The following WWP2 variants were observed in gnomAD, a reference collection of about 807,000 sequenced individuals.
WWP2 encodes the protein NEDD4-like E3 ubiquitin-protein ligase WWP2.
Under a neutral mutation model 121.0 loss-of-function variants are expected in WWP2, and 57 were observed. The ratio of observed to expected loss-of-function variants is 0.47; its 90% confidence interval spans 0.38 to 0.59. WWP2 has a LOEUF of 0.59. Ranked by LOEUF, WWP2 falls within the 20% of genes least tolerant of loss-of-function variation. The probability of loss-of-function intolerance (pLI) is 0.00; values close to 1 mark genes in which losing one functional copy is unlikely to be tolerated. For missense variants in WWP2, 962 were observed against 1,158.9 expected, an observed-to-expected ratio of 0.83 and a Z score of 2.47; for synonymous variants, 449 against 441.3, an observed-to-expected ratio of 1.02 and a Z score of -0.22.
intron 11 of WWP2, among the ~76,000 whole-genome samples, chr16:69,926,618 T>TC (rs1036475077): frequency 6.6e-6 from 1 of 152,148 alleles, no homozygotes; most frequent in African/African-American, 2.4e-5. Context: ...AGCACTGCAG[T>TC]CCAGTGTGCC....
At chr16:69,882,603 G>A (rs2057851135) in intron 7 of WWP2, among the ~76,000 whole-genome samples, 1 of 152,188 alleles carries the variant, frequency 6.6e-6, no homozygotes, top group Admixed American at 6.5e-5. Flanking sequence ...GAGACCATGG[G>A]TGCTGTGGGC....
At chr16:69,856,038 G>C (rs973629870) in intron 6 of WWP2, among the ~76,000 whole-genome samples, 1 of 152,172 alleles carries the variant, frequency 6.6e-6, no homozygotes, top group Non-Finnish European at 1.5e-5. Flanking sequence ...TGGGGAGGCT[G>C]AGCTGGGAGG....
intron 1 of WWP2, among the ~76,000 whole-genome samples, chr16:69,777,491 G>A (rs891205559): frequency 3.3e-5 from 5 of 151,488 alleles, no homozygotes; most frequent in African/African-American, 1.2e-4. Flanking sequence ...AGTAGAGATG[G>A]GGTTTCACCC....
intron 6 of WWP2, among the ~76,000 whole-genome samples, chr16:69,856,097 C>T (rs2057306287): frequency 6.6e-6 from 1 of 152,096 alleles, no homozygotes; most frequent in South Asian, 2.1e-4. Context: ...CATAACAAGA[C>T]TCCCATCTCT....
chr16:69,813,086 G>C (rs1306473620), intron 4 of WWP2, among the ~76,000 whole-genome samples: 1 of 151,730 alleles, frequency 6.6e-6, no homozygotes, highest in Non-Finnish European at 1.5e-5. Flanking sequence ...GTATGCGTGT[G>C]TGTAGGTATG....
At chr16:69,882,020 A>C (rs1014438604) in intron 7 of WWP2, among the ~76,000 whole-genome samples, 2 of 149,438 alleles carry the variant, frequency 1.3e-5, no homozygotes, top group Non-Finnish European at 3.0e-5. Context: ...GGGTTTTGCC[A>C]TGTTGACCAA....
intron 4 of WWP2, among the ~76,000 whole-genome samples, chr16:69,820,825 TACACACAC>T (rs34214656): frequency 2.8e-4 from 41 of 144,104 alleles, no homozygotes; most frequent in Non-Finnish European, 3.4e-4. Context: ...TACATGCATA[TACACACAC>T]ACACACACAC....
intron 4 of WWP2, among the ~76,000 whole-genome samples, chr16:69,823,550 C>T (rs995357367): frequency 2.6e-5 from 4 of 151,648 alleles, no homozygotes; most frequent in African/African-American, 9.7e-5. Context: ...TTCACTGCAG[C>T]CTGTGCTCCT....
chr16:69,936,558 C>A, intron 19 of WWP2, 106 bp downstream of exon 19: 1 of 1,501,616 alleles, frequency 6.7e-7, no homozygotes, highest in Non-Finnish European at 9.0e-7. Flanking sequence ...ACTGTGGATG[C>A]CATTTGCATT....
At chr16:69,839,207 A>C (rs2937120) in intron 4 of WWP2, among the ~76,000 whole-genome samples, 127,912 of 151,942 alleles carry the variant, frequency 0.84, 54,130 homozygotes, top group Admixed American at 0.9. Flanking sequence ...TAAGGTGTGG[A>C]GTGGACGGAC....
intron 4 of WWP2, among the ~76,000 whole-genome samples, chr16:69,832,048 C>T (rs1312518602): frequency 6.6e-6 from 1 of 152,022 alleles, no homozygotes. Context: ...AGGCGGGTCT[C>T]GAACTCCTGA....
At chr16:69,890,090 G>C (rs1027020560) in intron 8 of WWP2, among the ~76,000 whole-genome samples, 1 of 151,418 alleles carries the variant, frequency 6.6e-6, no homozygotes, top group Non-Finnish European at 1.5e-5. Flanking sequence ...AAGTAGCTGG[G>C]ACTACAGGCG....
chr16:69,781,633 C>A (rs1417344008), intron 1 of WWP2, among the ~76,000 whole-genome samples: 1 of 151,876 alleles, frequency 6.6e-6, no homozygotes, highest in East Asian at 1.9e-4. Context: ...TATAGGCGCC[C>A]GCTGGCTTTT....
intron 4 of WWP2, among the ~76,000 whole-genome samples, chr16:69,829,348 C>A (rs1048069384): frequency 1.3e-5 from 2 of 152,150 alleles, no homozygotes; most frequent in African/African-American, 4.8e-5. Flanking sequence ...GTTAAAAAAC[C>A]CTTTAGCACT....
chr16:69,843,334 G>C (rs2151876304), intron 6 of WWP2, among the ~76,000 whole-genome samples: 1 of 152,110 alleles, frequency 6.6e-6, no homozygotes, highest in South Asian at 2.1e-4. Context: ...TTTTATACCT[G>C]TGTTAGTGGT....
chr16:69,847,441 C>T lies in WWP2; in HGVS notation c.575+5321C>T, dbSNP rs187685072. On this transcript the variant is annotated intron_variant, in intron 6 of 23. Transcript: ENST00000359154. ...TTAATTTTTTTGAGATGGAGTTTCA[C>T]TCTTGTTGCCCAGGGTGGACTGCAA... Among the ~76,000 whole-genome samples, 61 of 148,902 alleles carry T rather than the reference C, an allele frequency of 4.1e-4. 1 individual carries two copies. In the East Asian group the frequency reaches 7.9e-3, roughly 19 times the overall value.
intron 9 of WWP2, chr16:69,917,482 C>T: frequency 2.2e-6 from 1 of 454,926 alleles, no homozygotes; most frequent in South Asian, 4.6e-5. Context: ...GGAACAGAGT[C>T]AGCTTCCCCA....
At chr16:69,818,466 C>T (rs2151841015) in intron 4 of WWP2, among the ~76,000 whole-genome samples, 1 of 152,272 alleles carries the variant, frequency 6.6e-6, no homozygotes, top group South Asian at 2.1e-4. Flanking sequence ...CTCAGCCTCC[C>T]AAAGTTCTGG....
At chr16:69,934,163 C>T (rs1308442652) in intron 17 of WWP2, 34 bp downstream of exon 17, 1 of 1,606,594 alleles carries the variant, frequency 6.2e-7, no homozygotes, top group Non-Finnish European at 8.5e-7. Flanking sequence ...CTAGTTCCCT[C>T]CTCCTCTCCC....
Sources: gnomAD v4.1 joint callset for allele counts (sites outside exome capture counted in the v4.1 genomes callset) on GRCh38, gnomAD v4.1.1 for gene constraint, MANE v1.5 for transcripts, NCBI Gene and HGNC (gene_info 2026-07-23, HGNC 2026-07-21) for gene names.